Variants in COTL1 observed in about 807,000 individuals in gnomAD.
COTL1 encodes the protein coactosin like F-actin binding protein 1.
A neutral mutation model predicts 16.5 loss-of-function variants in COTL1; 15 were observed. The ratio of observed to expected loss-of-function variants is 0.91; its 90% CI spans 0.61 to 1.40. The LOEUF (loss-of-function observed/expected upper bound fraction) is 1.40, where lower values mean the gene tolerates loss of function less well. Ranked by LOEUF, COTL1 falls within the 40% of genes most tolerant of loss-of-function variation. The pLI is 0.00. For synonymous variants in COTL1, 112 were observed against 85.3 expected (o/e 1.31, Z -1.73); for missense variants, 220 against 201.5 (o/e 1.09, Z -0.56).
intron 2 of COTL1, among the ~76,000 whole-genome samples, chr16:84,601,072 A>C (rs1905097826): frequency 6.6e-6 from 1 of 152,084 alleles, no homozygotes; most frequent in Non-Finnish European, 1.5e-5. Context: ...TATCTATAGC[A>C]TCTATAAGGA....
chr16:84,581,028 G>A (rs906850948), intron 3 of COTL1, among the ~76,000 whole-genome samples: 2 of 152,186 alleles, frequency 1.3e-5, no homozygotes, highest in African/African-American at 4.8e-5. Context: ...TGTGGTCCCA[G>A]CTACTTGAGA....
chr16:84,570,096 T>G (rs1020981901), intron 3 of COTL1, among the ~76,000 whole-genome samples: 1 of 151,976 alleles, frequency 6.6e-6, no homozygotes, highest in Non-Finnish European at 1.5e-5. Context: ...GCCAACACGG[T>G]GAAAACCCTA....
At chr16:84,617,442 C>T in intron 2 of COTL1, 59 bp downstream of exon 2, 1 of 1,500,250 alleles carries the variant, frequency 6.7e-7, no homozygotes, top group South Asian at 1.2e-5. Flanking sequence ...GCCGGGGCTC[C>T]CCGGGTGCAG....
intron 3 of COTL1, among the ~76,000 whole-genome samples, chr16:84,582,664 G>A (rs1904625146): frequency 6.6e-6 from 1 of 152,218 alleles, no homozygotes; most frequent in East Asian, 1.9e-4. Flanking sequence ...AATGGGGTAA[G>A]AAATCCGGGT....
intron 2 of COTL1, 137 bp downstream of exon 2, chr16:84,617,364 C>A: frequency 1.4e-6 from 1 of 739,730 alleles, no homozygotes; most frequent in Non-Finnish European, 2.3e-6. Context: ...ACGCTCACAC[C>A]GGGTTCCTCC....
chr16:84,574,553 A>T (rs1904409026), intron 3 of COTL1, among the ~76,000 whole-genome samples: 1 of 152,072 alleles, frequency 6.6e-6, no homozygotes, highest in Non-Finnish European at 1.5e-5. Context: ...AATGGTTTGG[A>T]ATTATGCAAC....
chr16:84,579,375 C>T (rs775909922), intron 3 of COTL1, among the ~76,000 whole-genome samples: 1 of 152,210 alleles, frequency 6.6e-6, no homozygotes, highest in Non-Finnish European at 1.5e-5. Context: ...GTAGTCCCAG[C>T]TTCTTGGGAG....
rs980856672 is a variant in COTL1 at position 84,574,902 on chromosome 16, T to A, written c.319-7947A>T. 2.0e-5 allele frequency among the ~76,000 whole-genome samples: 3 copies of A among 152,202 alleles called. No individual in the cohort carries two copies. The East Asian group carries it at 5.8e-4, about 29-fold the overall frequency. The stretch of plus-strand genomic sequence containing the variant: ...ACATCCATTGAAACCTGTCTCCACC[T>A]TTCTGAGGAGGGTAATATAGCAGAG... On this transcript the variant is annotated intron_variant, in intron 3 of 3. Transcript: ENST00000262428.
At position 84,590,330 on chromosome 16, in the gene COTL1, G is replaced by C. The variant is rs923269149; in HGVS notation, c.161-68C>G. ...CACCCCCATGTCATGTCCCTGGGGA[G>C]AGGCTGTGAGCCACGAGTGCGCCTG... is the stretch of plus-strand genomic sequence containing the variant. On this transcript the variant is annotated intron_variant, in intron 2 of 3. Transcript: ENST00000262428. This position sits in a 1 kb window ranked among gnomAD's most constrained non-coding sequence, Gnocchi z 5.5. The C allele has an allele frequency of 3.2e-6, 5 of 1,562,642 alleles. No homozygotes were observed. The highest frequency in any genetic ancestry group is 2.6e-6 in the Non-Finnish European group (3 of 1,146,936).
At chr16:84,593,361 G>A (rs1475924369) in intron 2 of COTL1, among the ~76,000 whole-genome samples, 1 of 152,222 alleles carries the variant, frequency 6.6e-6, no homozygotes, top group African/African-American at 2.4e-5. Flanking sequence ...GGAGTCCAGG[G>A]CACAGGAGAC....
intron 2 of COTL1, among the ~76,000 whole-genome samples, chr16:84,607,378 G>C (rs1014454414): frequency 6.6e-6 from 1 of 152,062 alleles, no homozygotes; most frequent in African/African-American, 2.4e-5. Flanking sequence ...CTCGGACACA[G>C]ATCTGGATTC....
At chr16:84,615,672 G>A (rs1165214529) in intron 2 of COTL1, among the ~76,000 whole-genome samples, 1 of 152,190 alleles carries the variant, frequency 6.6e-6, no homozygotes, top group Non-Finnish European at 1.5e-5. Flanking sequence ...TTAAGAGTTT[G>A]CACTTACTCC....
chr16:84,594,766 T>C (rs1186098300), intron 2 of COTL1: 2 of 152,240 alleles, frequency 1.3e-5, no homozygotes, highest in African/African-American at 2.4e-5. Context: ...AACGCAGTTT[T>C]TGGGGACCTC....
intron 3 of COTL1, among the ~76,000 whole-genome samples, chr16:84,581,537 C>T (rs1465013659): frequency 6.6e-6 from 1 of 152,150 alleles, no homozygotes; most frequent in Non-Finnish European, 1.5e-5. Flanking sequence ...GAGTATCACT[C>T]TGTCACCGAG....
chr16:84,593,737 G>A (rs984651501), intron 2 of COTL1, among the ~76,000 whole-genome samples: 3 of 152,030 alleles, frequency 2.0e-5, no homozygotes, highest in Non-Finnish European at 4.4e-5. Context: ...CTGACCTCGT[G>A]ATCCGCCCAC....
At chr16:84,572,528 T>G (rs1029147291) in intron 3 of COTL1, among the ~76,000 whole-genome samples, 1 of 152,054 alleles carries the variant, frequency 6.6e-6, no homozygotes, top group African/African-American at 2.4e-5. Context: ...TGGTGCGATC[T>G]CGGCTCACTG....
intron 3 of COTL1, among the ~76,000 whole-genome samples, chr16:84,573,895 C>T (rs1022490328): frequency 7.2e-5 from 11 of 151,980 alleles, no homozygotes; most frequent in Middle Eastern, 6.8e-3. Flanking sequence ...TGGCTCACGC[C>T]GGTAATCCCA....
At chr16:84,571,502 C>G (rs529988506) in intron 3 of COTL1, among the ~76,000 whole-genome samples, 2 of 152,116 alleles carry the variant, frequency 1.3e-5, no homozygotes, top group African/African-American at 2.4e-5. Flanking sequence ...CACCTGGGTC[C>G]GCTCATCTCT....
chr16:84,586,810 C>T lies in COTL1; in HGVS notation c.318+3295G>A, dbSNP rs544477013. Among the ~76,000 whole-genome samples, 140 of 152,080 alleles carry T rather than the reference C, an allele frequency of 9.2e-4. 1 individual carries two copies. The highest frequency in any genetic ancestry group is 2.1e-3 in the South Asian group (10 of 4,802). ...GTTGGCATGTTCGCCAGGCTGGTCT[C>T]GAACTCCTGACCTCAGGTGACCGGC... is the stretch of plus-strand genomic sequence containing the variant. On this transcript the variant is annotated intron_variant, in intron 3 of 3. Transcript: ENST00000262428.
Sources: allele counts gnomAD v4.1 joint callset (sites outside exome capture counted in the v4.1 genomes callset), GRCh38; gene constraint gnomAD v4.1.1; non-coding constraint Gnocchi (gnomAD v3.1); transcripts MANE v1.5; gene names NCBI Gene and HGNC (gene_info 2026-07-23, HGNC 2026-07-21).